TSPAN18: variants seen among roughly 807,000 people sequenced by gnomAD.
TSPAN18 encodes the protein tetraspanin 18.
A neutral mutation model predicts 27.3 loss-of-function variants in TSPAN18; 14 were observed. The observed-to-expected ratio is 0.51, with a 90% CI of 0.34 to 0.80. The LOEUF is 0.80. TSPAN18 is among the 30% of genes least tolerant of loss of function. The pLI, the probability that TSPAN18 is intolerant of heterozygous loss-of-function variation, is 0.01. For missense variants in TSPAN18, 268 were observed against 323.9 expected, an observed-to-expected ratio of 0.83 and a Z score of 1.32; for synonymous variants, 143 against 136.5, an observed-to-expected ratio of 1.05 and a Z score of -0.33.
intron 3 of TSPAN18, among the ~76,000 whole-genome samples, chr11:44,889,597 C>A (rs1214563147): frequency 1.3e-5 from 2 of 152,232 alleles, no homozygotes; most frequent in African/African-American, 4.8e-5. Flanking sequence ...AGCCAAAGCC[C>A]ACATGGGGTG....
chr11:44,862,143 G>C (rs1857910956), intron 3 of TSPAN18, among the ~76,000 whole-genome samples: 1 of 152,196 alleles, frequency 6.6e-6, no homozygotes, highest in South Asian at 2.1e-4. Flanking sequence ...AGAGGGACAG[G>C]GGAGCAGAGG....
chr11:44,843,719 G>A (rs1857423787), intron 2 of TSPAN18, among the ~76,000 whole-genome samples: 1 of 152,220 alleles, frequency 6.6e-6, no homozygotes, highest in South Asian at 2.1e-4. Flanking sequence ...CTTTCTCAGG[G>A]ACGTTCCCCA....
chr11:44,885,184 C>T (rs1452780737), intron 3 of TSPAN18, among the ~76,000 whole-genome samples: 1 of 152,180 alleles, frequency 6.6e-6, no homozygotes, highest in Non-Finnish European at 1.5e-5. Context: ...CACATCCTCT[C>T]TTGTCCCCAT....
intron 3 of TSPAN18, among the ~76,000 whole-genome samples, chr11:44,901,956 T>C (rs1349845872): frequency 3.3e-5 from 5 of 152,250 alleles, no homozygotes; most frequent in African/African-American, 1.2e-4. Flanking sequence ...TGACTGGCCA[T>C]GAGTCAGTGC....
chr11:44,877,501 C>T (rs1402130120), intron 3 of TSPAN18, among the ~76,000 whole-genome samples: 2 of 152,120 alleles, frequency 1.3e-5, no homozygotes, highest in African/African-American at 4.8e-5. Flanking sequence ...TCAGCCAGGA[C>T]CCGCTCAACT....
chr11:44,832,323 C>G (rs142496924), intron 2 of TSPAN18, among the ~76,000 whole-genome samples: 1 of 152,122 alleles, frequency 6.6e-6, no homozygotes, highest in Non-Finnish European at 1.5e-5. Flanking sequence ...CATGCCTAGC[C>G]CAGTCCATGC....
At chr11:44,826,142 G>T (rs973063841) in intron 2 of TSPAN18, among the ~76,000 whole-genome samples, 4 of 152,248 alleles carry the variant, frequency 2.6e-5, no homozygotes, top group Non-Finnish European at 5.9e-5. Context: ...TAAAAGAAGG[G>T]CCGGACGTGG....
At chr11:44,790,307 ATG>A (rs575393759) in intron 2 of TSPAN18, among the ~76,000 whole-genome samples, 245 of 142,282 alleles carry the variant, frequency 1.7e-3, no homozygotes, top group African/African-American at 6.1e-3. Context: ...GTGTGTGTGC[ATG>A]TGTTTGTGCA....
intron 3 of TSPAN18, among the ~76,000 whole-genome samples, chr11:44,890,088 C>T (rs904133156): frequency 5.3e-5 from 8 of 152,198 alleles, no homozygotes; most frequent in Non-Finnish European, 1.2e-4. Flanking sequence ...GCTCCTGCTG[C>T]AAACTTTTTG....
At chr11:44,884,150 T>C (rs1450885700) in intron 3 of TSPAN18, among the ~76,000 whole-genome samples, 1 of 152,062 alleles carries the variant, frequency 6.6e-6, no homozygotes, top group Admixed American at 6.5e-5. Context: ...TAATTGCTAT[T>C]GGGCCTCAGC....
rs556736032 is a variant in TSPAN18, at chr11:44,814,124, AG to A, written c.-152-46203del. Among the ~76,000 whole-genome samples the A allele has an allele frequency of 1.7e-4, 26 of 152,352 alleles. No individual in the cohort carries two copies. The East Asian group carries it at 4.6e-3, about 27-fold the overall frequency. On this transcript the variant is annotated intron_variant, in intron 2 of 9. Coordinates refer to ENST00000520358, the MANE Select transcript of TSPAN18 (RefSeq NM_130783.5). The stretch of plus-strand genomic sequence containing the variant: ...GCCTCATTGTTTGTGGCATCTCTGC[AG>A]AGAACCAGAATGGAGGTTCCCAGAC...
In TSPAN18 at chr11:44,884,298, A is replaced by G. The variant is rs548024797; in HGVS notation, c.-10-22109A>G. Among the ~76,000 whole-genome samples, 724 of 152,310 alleles carry G rather than the reference A, an allele frequency of 4.8e-3. 7 individuals are homozygous for G. The highest frequency in any genetic ancestry group is 6.3e-3 in the Non-Finnish European group (426 of 68,026). On this transcript the variant is annotated intron_variant, in intron 3 of 9. Coordinates refer to ENST00000520358, the MANE Select transcript of TSPAN18 (RefSeq NM_130783.5). ...GCCAAGGTCCACAGCAGGCAGGCGG[A>G]CCGAAGCTGCCCAAACAGATCTCAG...
rs113157648 is a variant in TSPAN18 at position 44,849,368 on chromosome 11, G to A, written c.-152-10960G>A. On this transcript the variant is annotated intron_variant, in intron 2 of 9. Coordinates refer to ENST00000520358, the MANE Select transcript of TSPAN18 (RefSeq NM_130783.5). ...CAGGAGAGCTCTGCAAACCAGCAAG[G>A]GAAGCAGAAGGCAGAAGAAGTAGCT... 2.3e-3 allele frequency among the ~76,000 whole-genome samples: 353 copies of A among 152,294 alleles called. 2 individuals carry two copies. Among genetic ancestry groups the A allele is most frequent in the African/African-American group, 8.1e-3 (337 of 41,564 alleles).
At chr11:44,913,737 T>G (rs1220577320) in intron 5 of TSPAN18, among the ~76,000 whole-genome samples, 3 of 152,362 alleles carry the variant, frequency 2.0e-5, no homozygotes, top group Non-Finnish European at 4.4e-5. Context: ...ACATAGCAGT[T>G]TCCTCCCCTT....
chr11:44,862,230 C>G (rs1002354095), intron 3 of TSPAN18, among the ~76,000 whole-genome samples: 8 of 152,246 alleles, frequency 5.3e-5, no homozygotes, highest in Non-Finnish European at 1.0e-4. Context: ...CCTGGCAGCC[C>G]TGCTGCCCTC....
chr11:44,861,043 T>C (rs187640373), intron 3 of TSPAN18, among the ~76,000 whole-genome samples: 3 of 152,258 alleles, frequency 2.0e-5, no homozygotes, highest in East Asian at 3.9e-4. Flanking sequence ...TATTTATTGG[T>C]TTCAAGGCAG....
chr11:44,844,871 T>C (rs1049845247), intron 2 of TSPAN18, among the ~76,000 whole-genome samples: 1 of 152,204 alleles, frequency 6.6e-6, no homozygotes, highest in Non-Finnish European at 1.5e-5. Context: ...CCAGGCCTGG[T>C]CCATCTACCT....
In TSPAN18 at chr11:44,837,632, A is replaced by G. The variant is rs527466319; in HGVS notation, c.-152-22696A>G. On this transcript the variant is annotated intron_variant, in intron 2 of 9. Coordinates refer to ENST00000520358, the MANE Select transcript of TSPAN18 (RefSeq NM_130783.5). ...TACAGAGAAATCTTTTGTGAAAACC[A>G]GAGTTGATCGGTGTGGCAAACTTCA... 2.6e-5 allele frequency among the ~76,000 whole-genome samples: 4 copies of G among 152,338 alleles called. No homozygotes were observed. The South Asian group carries it at 6.2e-4, about 24-fold the overall frequency.
chr11:44,801,622 T>G (rs898325746), intron 2 of TSPAN18, among the ~76,000 whole-genome samples: 26 of 152,304 alleles, frequency 1.7e-4, no homozygotes, highest in Non-Finnish European at 2.2e-4. Context: ...GGTTAAGAGC[T>G]CCAAAGACAG....
Sources: gnomAD v4.1 joint callset for allele counts (sites outside exome capture counted in the v4.1 genomes callset) on GRCh38, gnomAD v4.1.1 for gene constraint, MANE v1.5 for transcripts, NCBI Gene and HGNC (gene_info 2026-07-23, HGNC 2026-07-21) for gene names.